SLCO5A1: variants seen among roughly 807,000 people sequenced by gnomAD.
SLCO5A1 encodes the protein solute carrier organic anion transporter family member 5A1.
SLCO5A1 carries 39 observed loss-of-function variants against 65.1 expected under a neutral mutation model. The observed-to-expected ratio is 0.60, with a 90% CI of 0.46 to 0.78. SLCO5A1 has a LOEUF of 0.78. SLCO5A1 is among the 30% of genes least tolerant of loss of function. The pLI, the probability that SLCO5A1 is intolerant of heterozygous loss-of-function variation, is 0.00. For missense variants in SLCO5A1, 1,029 were observed against 1,069.4 expected, an observed-to-expected ratio of 0.96 and a Z score of 0.53; for synonymous variants, 438 against 415.7, an observed-to-expected ratio of 1.05 and a Z score of -0.65.
At chr8:69,768,550 C>A (rs1586778424) in intron 2 of SLCO5A1, among the ~76,000 whole-genome samples, 1 of 152,312 alleles carries the variant, frequency 6.6e-6, no homozygotes, top group South Asian at 2.1e-4. Context: ...AGTCTGAGAT[C>A]AAGGTGCCAT....
intron 3 of SLCO5A1, among the ~76,000 whole-genome samples, chr8:69,756,337 G>A (rs774141543): frequency 1.1e-4 from 16 of 152,004 alleles, no homozygotes; most frequent in Non-Finnish European, 1.9e-4. Context: ...CTTGGGAGGC[G>A]GATGTTGCAG....
chr8:69,784,811 AAAAGAAAGAAAG>A (rs56110450), intron 2 of SLCO5A1, among the ~76,000 whole-genome samples: 5,388 of 70,986 alleles, frequency 0.076, 314 homozygotes, highest in South Asian at 0.089. Context: ...GAAAGAAAGA[AAAAGAAAGAAAG>A]AAAGAAAGAA....
At chr8:69,825,230 C>T (rs1258767343) in intron 2 of SLCO5A1, among the ~76,000 whole-genome samples, 1 of 152,126 alleles carries the variant, frequency 6.6e-6, no homozygotes, top group Non-Finnish European at 1.5e-5. Context: ...GACAGGGATG[C>T]CCTCTCTCAC....
At chr8:69,757,040 T>A (rs928593705) in intron 3 of SLCO5A1, among the ~76,000 whole-genome samples, 1 of 152,228 alleles carries the variant, frequency 6.6e-6, no homozygotes, top group African/African-American at 2.4e-5. Flanking sequence ...AGACTATAGA[T>A]CCATTGCAAA....
chr8:69,831,899 T>C lies in SLCO5A1; in HGVS notation c.775A>G (p.Asn259Asp), dbSNP rs1821166686. 6.2e-7 allele frequency: 1 copy of C among 1,609,912 alleles called. No individual in the cohort carries two copies. The highest frequency in any genetic ancestry group is 8.5e-7 in the Non-Finnish European group (1 of 1,178,910). ...PACPKDSGGN[N>D]HWVYVALFIC... is the part of the protein sequence containing the mutation. ...AATAAAGCCACGTAGACCCAGTGAT[T>C]ATTTCCTCCCGAGTCCTTCGGACAG... The change falls in exon 2 of 10, where the codon AAT (asparagine) becomes GAT (aspartate). Residue 259 changes from asparagine to aspartate, a missense_variant. Asn to Asp is a conservative substitution (Grantham distance 23). Transcript: ENST00000260126.
rs1304094721 is a variant in SLCO5A1 at position 69,675,713 on chromosome 8, G to A, written c.2089+896C>T. Reference sequence around the variant, plus strand: ...AGGGGATTCATGCTTCAGGGGGTCAGAAGATGCCCTTTTTAAACATTACCT... The same window carrying A: ...AGGGGATTCATGCTTCAGGGGGTCAAAAGATGCCCTTTTTAAACATTACCT... On this transcript the variant is annotated intron_variant, in intron 9 of 9. Transcript: ENST00000260126. Among the ~76,000 whole-genome samples, 3 of 152,186 alleles carry A rather than the reference G, an allele frequency of 2.0e-5. No individual in the cohort carries two copies. In the East Asian group the frequency reaches 5.8e-4, roughly 29 times the overall value.
chr8:69,763,651 A>AAAAGG (rs1817910371), intron 2 of SLCO5A1, among the ~76,000 whole-genome samples: 1 of 136,942 alleles, frequency 7.3e-6, no homozygotes, highest in East Asian at 2.2e-4. Flanking sequence ...AAAAAAAAAA[A>AAAAGG]GGGTGTATAG....
intron 2 of SLCO5A1, among the ~76,000 whole-genome samples, chr8:69,799,811 C>T (rs993910126): frequency 5.3e-5 from 8 of 152,228 alleles, no homozygotes; most frequent in Non-Finnish European, 1.0e-4. Flanking sequence ...CAATGATCAA[C>T]TGCCTCCCAC....
chr8:69,676,311 C>T (rs1000012940), intron 9 of SLCO5A1, among the ~76,000 whole-genome samples: 1 of 152,154 alleles, frequency 6.6e-6, no homozygotes, highest in Non-Finnish European at 1.5e-5. Context: ...ACAAATTCTT[C>T]ACAAATTGCT....
At chr8:69,784,811 A>AAAAGAAAGAAAGAAAGAAAG (rs56110450) in intron 2 of SLCO5A1, among the ~76,000 whole-genome samples, 2,155 of 70,800 alleles carry the variant, frequency 0.03, 76 homozygotes, top group Middle Eastern at 0.052. Context: ...GAAAGAAAGA[A>AAAAGAAAGAAAGAAAGAAAG]AAAGAAAGAA....
rs557749521 is a variant in SLCO5A1 at position 69,790,462 on chromosome 8, T to C, written c.908-28587A>G. ...TCACCTAAACACTTAATATCCCTAA[T>C]AAATTTTAACTATTAAAATTGAGGA... On this transcript the variant is annotated intron_variant, in intron 2 of 9. Transcript: ENST00000260126. Among the ~76,000 whole-genome samples, 3 of 152,180 alleles carry C rather than the reference T, an allele frequency of 2.0e-5. No homozygotes were observed. In the South Asian group the frequency reaches 6.2e-4, roughly 32 times the overall value.
rs1813266331 is a variant in SLCO5A1, at chr8:69,669,322, A to C, written c.*3547T>G. The C allele has an allele frequency of 6.6e-6, 1 of 152,194 alleles. No homozygotes were observed. The highest frequency in any genetic ancestry group is 1.5e-5 in the Non-Finnish European group (1 of 68,024). 9.4% of individuals were successfully genotyped at this position (152,194 alleles called of 1,614,324 possible). A position where few individuals can be genotyped will look rare whatever the true frequency, so the allele number is the denominator to read the frequency against. The stretch of plus-strand genomic sequence containing the variant: ...TCTTCATAAACGGTAATATATCAAA[A>C]AATTGAAATGCTTTAATCTCACGAT... On this transcript the variant is annotated 3_prime_UTR_variant, in exon 10 of 10. Coordinates refer to ENST00000260126, the MANE Select transcript of SLCO5A1 (RefSeq NM_030958.3).
At chr8:69,729,562 A>G (rs543232864) in intron 5 of SLCO5A1, among the ~76,000 whole-genome samples, 38 of 152,114 alleles carry the variant, frequency 2.5e-4, no homozygotes, top group African/African-American at 7.7e-4. Context: ...TAAATTTGCT[A>G]GAATATAAAT....
At chr8:69,690,149 T>C (rs1288680787) in intron 6 of SLCO5A1, among the ~76,000 whole-genome samples, 3 of 152,238 alleles carry the variant, frequency 2.0e-5, no homozygotes, top group Admixed American at 6.5e-5. Flanking sequence ...CTTTCCCCGC[T>C]GATTCCGCCA....
chr8:69,721,980 T>C (rs914114577), intron 5 of SLCO5A1, among the ~76,000 whole-genome samples: 3 of 152,160 alleles, frequency 2.0e-5, no homozygotes, highest in African/African-American at 4.8e-5. Context: ...AAGACCAGCC[T>C]AGCCAACATA....
At chr8:69,729,227 G>A (rs1484638485) in intron 5 of SLCO5A1, among the ~76,000 whole-genome samples, 2 of 151,982 alleles carry the variant, frequency 1.3e-5, no homozygotes, top group Admixed American at 6.6e-5. Context: ...GGCGGATCAC[G>A]AGGTCAGGAG....
At chr8:69,807,621 T>C (rs956540124) in intron 2 of SLCO5A1, among the ~76,000 whole-genome samples, 2 of 152,250 alleles carry the variant, frequency 1.3e-5, no homozygotes, top group Non-Finnish European at 2.9e-5. Flanking sequence ...TGTGTTTCTC[T>C]TTACCTGGCT....
chr8:69,769,103 C>G (rs1482597358), intron 2 of SLCO5A1, among the ~76,000 whole-genome samples: 1 of 152,180 alleles, frequency 6.6e-6, no homozygotes, highest in Non-Finnish European at 1.5e-5. Context: ...CCTGTGTACA[C>G]TTGACCTAGA....
Position 69,711,920 on chromosome 8 carries a change from T to G in SLCO5A1, c.1424-6691A>C, listed in dbSNP as rs531124264. Among the ~76,000 whole-genome samples, 9 of 152,360 alleles carry G rather than the reference T, an allele frequency of 5.9e-5. 1 individual carries two copies. In the South Asian group the frequency reaches 1.9e-3, roughly 32 times the overall value. Reference sequence around the variant, plus strand: ...TCTGCCTAATATTATGAGTTTAAATTTGCACATATATATTGGAATTATAAT... The same window carrying G: ...TCTGCCTAATATTATGAGTTTAAATGTGCACATATATATTGGAATTATAAT... On this transcript the variant is annotated intron_variant, in intron 5 of 9. Transcript: ENST00000260126.
Sources: gnomAD v4.1 joint callset for allele counts (sites outside exome capture counted in the v4.1 genomes callset) on GRCh38, gnomAD v4.1.1 for gene constraint, MANE v1.5 for transcripts, NCBI Gene and HGNC (gene_info 2026-07-23, HGNC 2026-07-21) for gene names.